The following PLCG2 variants were observed in gnomAD, a reference collection of about 807,000 sequenced individuals.
PLCG2 encodes the protein 1-phosphatidylinositol 4,5-bisphosphate phosphodiesterase gamma-2.
Under a neutral mutation model 175.6 loss-of-function variants are expected in PLCG2, and 69 were observed. The observed-to-expected ratio is 0.39, with a 90% CI of 0.32 to 0.48. The LOEUF (loss-of-function observed/expected upper bound fraction) is 0.48, where lower values mean the gene tolerates loss of function less well. PLCG2 is among the 20% of genes least tolerant of loss of function. The probability of loss-of-function intolerance (pLI) is 0.91; values close to 1 mark genes in which losing one functional copy is unlikely to be tolerated. For synonymous variants in PLCG2, 827 were observed against 624.0 expected (o/e 1.33, Z -4.85); for missense variants, 1,798 against 1,650.9 (o/e 1.09, Z -1.54).
intron 1 of PLCG2, among the ~76,000 whole-genome samples, chr16:81,745,918 C>G (rs908605983): frequency 1.3e-5 from 2 of 152,186 alleles, no homozygotes; most frequent in Admixed American, 6.5e-5. Context: ...ATACAGCGAA[C>G]GACCTGACTC....
intron 2 of PLCG2, among the ~76,000 whole-genome samples, chr16:81,822,398 A>T (rs1018738078): frequency 2.6e-5 from 4 of 152,164 alleles, no homozygotes; most frequent in African/African-American, 9.6e-5. Flanking sequence ...TAAGTGAAGA[A>T]GGTTGAGATG....
At chr16:81,795,265 C>T (rs1911416414) in intron 2 of PLCG2, among the ~76,000 whole-genome samples, 2 of 152,156 alleles carry the variant, frequency 1.3e-5, no homozygotes, top group African/African-American at 4.8e-5. Flanking sequence ...AATAAGGAGT[C>T]ATTAGTCAGG....
At chr16:81,887,826 C>T (rs1908445861) in intron 9 of PLCG2, among the ~76,000 whole-genome samples, 1 of 152,168 alleles carries the variant, frequency 6.6e-6, no homozygotes, top group Admixed American at 6.5e-5. Context: ...TTTGGGATTT[C>T]AGGGCATGGA....
chr16:81,744,933 G>C (rs1003316772), intron 1 of PLCG2, among the ~76,000 whole-genome samples: 6 of 152,222 alleles, frequency 3.9e-5, no homozygotes, highest in African/African-American at 1.4e-4. Context: ...GATGCTGCAG[G>C]AAGGAAGGGG....
chr16:81,783,114 G>C, intron 1 of PLCG2: 1 of 487,574 alleles, frequency 2.1e-6, no homozygotes, highest in Non-Finnish European at 4.1e-6. Context: ...CTGGTCCCTT[G>C]TCCTGGTTTC....
chr16:81,936,657 A>G (rs1165057514), intron 27 of PLCG2, among the ~76,000 whole-genome samples: 5 of 152,180 alleles, frequency 3.3e-5, no homozygotes. Flanking sequence ...GCATTAGTTC[A>G]TGTAATTAAA....
At chr16:81,906,461 A>G (rs1168886050) in intron 15 of PLCG2, 4 of 152,102 alleles carry the variant, frequency 2.6e-5, no homozygotes, top group East Asian at 1.9e-4. Context: ...GTCTTGCTCC[A>G]TTGCCCTGGC....
chr16:81,792,749 G>A (rs1361070580), intron 2 of PLCG2, among the ~76,000 whole-genome samples: 1 of 152,032 alleles, frequency 6.6e-6, no homozygotes, highest in African/African-American at 2.4e-5. Flanking sequence ...CACGAGAACA[G>A]CATGGAGGTA....
intron 2 of PLCG2, among the ~76,000 whole-genome samples, chr16:81,846,227 G>C: frequency 1.7e-5 from 1 of 58,044 alleles, no homozygotes; most frequent in East Asian, 4.2e-4. Context: ...GACTGGCAGG[G>C]AGGACAAGAG....
At chr16:81,838,415 T>C (rs1302057851) in intron 2 of PLCG2, among the ~76,000 whole-genome samples, 1 of 152,164 alleles carries the variant, frequency 6.6e-6, no homozygotes, top group Non-Finnish European at 1.5e-5. Flanking sequence ...TTTATTAAAA[T>C]ATAACTTGCA....
At chr16:81,789,755 G>C (rs986019920) in intron 2 of PLCG2, among the ~76,000 whole-genome samples, 2 of 151,902 alleles carry the variant, frequency 1.3e-5, no homozygotes, top group African/African-American at 4.8e-5. Flanking sequence ...TGCCACTGGA[G>C]AGACACTGCC....
At chr16:81,750,663 A>ATTGTTTTTTTTTTTTTTT (rs1909790914) in intron 1 of PLCG2, among the ~76,000 whole-genome samples, 1 of 68,446 alleles carries the variant, frequency 1.5e-5, no homozygotes, top group Non-Finnish European at 2.6e-5. Flanking sequence ...GGGACTGGAG[A>ATTGTTTTTTTTTTTTTTT]TTTTTTTTTT....
rs375154673 is a variant in PLCG2 at position 81,938,804 on chromosome 16, C to T, written c.3202C>T (p.Leu1068Phe). 6.2e-6 allele frequency: 10 copies of T among 1,604,704 alleles called. No individual in the cohort carries two copies. The highest frequency in any genetic ancestry group is 1.7e-5 in the Admixed American group (1 of 59,710). The part of the protein sequence containing the change: ...KILMTLTVKV[L>F]GARHLPKLGR... Reference sequence around the variant, plus strand: ...ATGCTTCCCTTTGGTGTCCCAGGTTCTCGGTGCTCGCCATCTCCCCAAACT... The same window carrying T: ...ATGCTTCCCTTTGGTGTCCCAGGTTTTCGGTGCTCGCCATCTCCCCAAACT... Residue 1068 changes from leucine to phenylalanine, a missense_variant, in exon 29 of 33, where the codon CTC (leucine) becomes TTC (phenylalanine). Transcript: ENST00000564138.
At chr16:81,880,117 T>C (rs540676826) in intron 7 of PLCG2, among the ~76,000 whole-genome samples, 2 of 152,316 alleles carry the variant, frequency 1.3e-5, no homozygotes, top group Admixed American at 6.5e-5. Context: ...GGCGCATGCC[T>C]GTAGTCCTAG....
At position 81,907,051 on chromosome 16, in the gene PLCG2, A is replaced by C. The variant is rs1017770841; in HGVS notation, c.1468-634A>C. Among the ~76,000 whole-genome samples the C allele has an allele frequency of 3.3e-3, 496 of 151,966 alleles. 2 individuals carry two copies. Among genetic ancestry groups the C allele is most frequent in the African/African-American group, 0.011 (465 of 41,410 alleles). On this transcript the variant is annotated intron_variant, in intron 15 of 32. Coordinates refer to ENST00000564138, the MANE Select transcript of PLCG2 (RefSeq NM_002661.5). ...GACTCTGTCTCAAAAAAAAAAAAAA[A>C]AAAACAGTGCAGCACACCAACATGG... is the stretch of plus-strand genomic sequence containing the variant.
chr16:81,826,596 C>G (rs76424446), intron 2 of PLCG2, among the ~76,000 whole-genome samples: 12,697 of 152,266 alleles, frequency 0.083, 624 homozygotes, highest in Middle Eastern at 0.13. Context: ...TTGGAGGAAG[C>G]TTCTCTACAA....
At chr16:81,914,508 C>T (rs1348562154) in intron 19 of PLCG2, among the ~76,000 whole-genome samples, 1 of 152,186 alleles carries the variant, frequency 6.6e-6, no homozygotes, top group African/African-American at 2.4e-5. Flanking sequence ...GACTTACATA[C>T]ACGCCCCATT....
intron 24 of PLCG2, 116 bp downstream of exon 24, chr16:81,928,740 C>G (rs1025128172): frequency 1.4e-6 from 1 of 713,924 alleles, no homozygotes; most frequent in African/African-American, 1.7e-5. Flanking sequence ...AATGCCAGCT[C>G]CTTCCCTGGC....
chr16:81,825,283 ATTTTTT>A (rs577002663), intron 2 of PLCG2, among the ~76,000 whole-genome samples: 7 of 115,898 alleles, frequency 6.0e-5, no homozygotes, highest in African/African-American at 1.7e-4. Flanking sequence ...AGATGCTCTA[ATTTTTT>A]TTTTTTTTTT....
Sources: gnomAD v4.1 joint callset for allele counts (sites outside exome capture counted in the v4.1 genomes callset) on GRCh38, gnomAD v4.1.1 for gene constraint, MANE v1.5 for transcripts, NCBI Gene and HGNC (gene_info 2026-07-23, HGNC 2026-07-21) for gene names.